Variants in IL17RD observed in about 807,000 individuals in gnomAD.
The protein encoded by IL17RD is interleukin 17 receptor D.
IL17RD carries 52 observed loss-of-function variants against 80.5 expected under a neutral mutation model. The ratio of observed to expected loss-of-function variants is 0.65; its 90% CI spans 0.52 to 0.81. IL17RD has a LOEUF of 0.81. IL17RD is among the 40% of genes least tolerant of loss of function. The pLI is 0.00. For synonymous variants in IL17RD, 416 were observed against 391.8 expected, an observed-to-expected ratio of 1.06 and a Z score of -0.73; for missense variants, 1,024 against 955.1, an observed-to-expected ratio of 1.07 and a Z score of -0.95.
chr3:57,161,248 C>T (rs1352343), intron 1 of IL17RD, among the ~76,000 whole-genome samples: 1 of 152,218 alleles, frequency 6.6e-6, no homozygotes, highest in South Asian at 2.1e-4. Context: ...CATGGCCATA[C>T]GATAGGCAGA....
chr3:57,101,229 T>G lies in IL17RD; in HGVS notation c.1114A>C (p.Asn372His). 3 of 1,613,710 alleles carry G rather than the reference T, an allele frequency of 1.9e-6. No individual in the cohort carries two copies. The highest frequency in any genetic ancestry group is 2.5e-6 in the Non-Finnish European group (3 of 1,179,712). ...YSSKDGQNHM[N>H]VVQCFAYFLQ... ...AAGTAGGCGAAACACTGGACGACAT[T>G]CATGTGATTCTGGCCATCTTTACTG... Residue 372 changes from asparagine to histidine, a missense_variant, in exon 11 of 13, where the codon AAT (asparagine) becomes CAT (histidine). Asn to His is a moderately conservative substitution (Grantham distance 68). Transcript: ENST00000296318.
At chr3:57,111,685 T>C (rs1047292245) in intron 3 of IL17RD, among the ~76,000 whole-genome samples, 3 of 152,018 alleles carry the variant, frequency 2.0e-5, no homozygotes, top group African/African-American at 7.2e-5. Flanking sequence ...AAATTCATCG[T>C]TGGGGCCGGG....
At chr3:57,116,889 T>C (rs540295601) in intron 2 of IL17RD, among the ~76,000 whole-genome samples, 4,497 of 50,518 alleles carry the variant, frequency 0.089, 96 homozygotes, top group South Asian at 0.2. Flanking sequence ...TCCCAAAATA[T>C]TAAAAAAAAA....
chr3:57,154,730 T>C (rs1242781740), intron 1 of IL17RD, among the ~76,000 whole-genome samples: 1 of 152,180 alleles, frequency 6.6e-6, no homozygotes, highest in Non-Finnish European at 1.5e-5. Flanking sequence ...CCTGAAGCAG[T>C]CTTCCGCCAG....
rs894065507 is a variant in IL17RD at position 57,091,002 on chromosome 3, G to A, written c.*5391C>T. 1.3e-5 allele frequency: 2 copies of A among 152,536 alleles called. No homozygotes were observed. Among genetic ancestry groups the A allele is most frequent in the African/African-American group, 2.4e-5 (1 of 41,434 alleles). 9.4% of individuals were successfully genotyped at this position (152,536 alleles called of 1,614,324 possible). A position where few individuals can be genotyped will look rare whatever the true frequency, so the allele number is the denominator to read the frequency against. The stretch of plus-strand genomic sequence containing the variant: ...TTTTAAAGAACAAAAGGGCAAGAGG[G>A]AAGACAACTGGCCAAAATTCCCCAG... On this transcript the variant is annotated 3_prime_UTR_variant, in exon 13 of 13. Coordinates refer to ENST00000296318, the MANE Select transcript of IL17RD (RefSeq NM_017563.5).
chr3:57,101,188 A>G lies in IL17RD; in HGVS notation c.1155T>C (p.Cys385=). 6.2e-7 allele frequency: 1 copy of G among 1,613,458 alleles called. No individual in the cohort carries two copies. Among genetic ancestry groups the G allele is most frequent in the Non-Finnish European group, 8.5e-7 (1 of 1,179,566 alleles). The change falls in exon 11 of 13, where the codon TGT becomes TGC. Residue 385 remains cysteine, a synonymous_variant. Coordinates refer to ENST00000296318, the MANE Select transcript of IL17RD (RefSeq NM_017563.5). ...ACTTTAGATTCCGCACCTCACAGCCACAGAAGTCCTGGAGGAAGTAGGCGA... is the reference window on the plus strand; with the variant it reads ...ACTTTAGATTCCGCACCTCACAGCCGCAGAAGTCCTGGAGGAAGTAGGCGA... The part of the protein sequence containing the change: ...QCFAYFLQDF[C]GCEVALDLWE...
intron 1 of IL17RD, among the ~76,000 whole-genome samples, chr3:57,153,789 G>A (rs550858871): frequency 2.8e-4 from 42 of 152,208 alleles, no homozygotes; most frequent in African/African-American, 9.2e-4. Flanking sequence ...ACAGGTGACT[G>A]TATTTTATAC....
rs148874180 is a variant in IL17RD at position 57,110,628 on chromosome 3, A to G, written c.311-317T>C. ...TTACAATTGGTCATAAAAAGTCTGA[A>G]GTGGAATATATAATTTCTAGGTCAT... is the stretch of plus-strand genomic sequence containing the variant. On this transcript the variant is annotated intron_variant, in intron 3 of 12. Coordinates refer to ENST00000296318, the MANE Select transcript of IL17RD (RefSeq NM_017563.5). 4.7e-3 allele frequency among the ~76,000 whole-genome samples: 720 copies of G among 152,350 alleles called. 3 individuals are homozygous for G. The highest frequency in any genetic ancestry group is 0.016 in the African/African-American group (676 of 41,574).
rs202216771 is a variant in IL17RD at position 57,097,617 on chromosome 3, C to T, written c.2086G>A (p.Val696Met). Residue 696 changes from valine (V) to methionine (M), a missense_variant, in exon 12 of 13, where the codon GTG becomes ATG. Coordinates refer to ENST00000296318, the MANE Select transcript of IL17RD (RefSeq NM_017563.5). ...QTETSSLTES[V>M]SSSSGLGEEE... ...TTACCCAGGCCTGAAGAGGAGGACA[C>T]GCTCTCCGTCAGGGAAGACGTTTCT... 1.5e-5 allele frequency: 24 copies of T among 1,579,942 alleles called. No individual in the cohort carries two copies. The African/African-American group carries it at 2.8e-4, about 19-fold the overall frequency.
upstream of IL17RD, chr3:57,169,161 G>A: frequency 2.1e-6 from 1 of 482,004 alleles, no homozygotes; most frequent in Non-Finnish European, 4.2e-6. Context: ...AGGCCACAGT[G>A]GAGCTCAGCT....
rs771843212 is a variant in IL17RD at position 57,109,582 on chromosome 3, T to C, written c.505A>G (p.Ile169Val). The C allele has an allele frequency of 1.2e-6, 2 of 1,613,796 alleles. No individual in the cohort carries two copies. Among genetic ancestry groups the C allele is most frequent in the South Asian group, 1.1e-5 (1 of 91,070 alleles). ...YFVKVVPFPS[I>V]KNESNYHPFF... ...GGGTGGTAATTGCTTTCGTTTTTAA[T>C]GGAAGGAAAAGGGACAACCTTTACG... The change falls in exon 5 of 13, where the codon ATT (isoleucine) becomes GTT (valine). Residue 169 changes from isoleucine to valine, a missense_variant. Ile to Val is a conservative substitution (Grantham distance 29, BLOSUM62 3). Transcript: ENST00000296318.
At chr3:57,165,636 G>A (rs2060344626), upstream of IL17RD, among the ~76,000 whole-genome samples, 1 of 151,824 alleles carries the variant, frequency 6.6e-6, no homozygotes, top group Admixed American at 6.6e-5. Context: ...CAAAACCTGA[G>A]GAAAACACAA....
intron 2 of IL17RD, among the ~76,000 whole-genome samples, chr3:57,119,455 G>A (rs1202354264): frequency 6.6e-6 from 1 of 152,196 alleles, no homozygotes; most frequent in Non-Finnish European, 1.5e-5. Context: ...CTTGAACCCA[G>A]GAGGTGGAGG....
At chr3:57,131,711 T>G (rs573177883) in intron 1 of IL17RD, among the ~76,000 whole-genome samples, 5 of 152,292 alleles carry the variant, frequency 3.3e-5, no homozygotes, top group South Asian at 2.1e-4. Flanking sequence ...AGCTTTTTAT[T>G]TGGGGGAGAA....
chr3:57,159,123 C>CTT (rs34297266), intron 1 of IL17RD, among the ~76,000 whole-genome samples: 5 of 144,350 alleles, frequency 3.5e-5, no homozygotes, highest in Non-Finnish European at 1.5e-5. Flanking sequence ...GATATCTCTT[C>CTT]TTTTTTTTTT....
chr3:57,163,984 A>T (rs2060326649), intron 1 of IL17RD, among the ~76,000 whole-genome samples: 3 of 152,126 alleles, frequency 2.0e-5, no homozygotes, highest in African/African-American at 7.2e-5. Flanking sequence ...GTTATGTCCT[A>T]GGTTTTGGCT....
upstream of IL17RD, chr3:57,170,239 C>T (rs549820745): frequency 6.6e-6 from 1 of 152,350 alleles, no homozygotes; most frequent in Non-Finnish European, 1.5e-5. Flanking sequence ...GTACCTTGGC[C>T]ACTACACGGA....
At chr3:57,144,850 C>T (rs1201563802) in intron 1 of IL17RD, among the ~76,000 whole-genome samples, 2 of 152,214 alleles carry the variant, frequency 1.3e-5, no homozygotes, top group Non-Finnish European at 2.9e-5. Flanking sequence ...AGCTGCTGCA[C>T]TCTTATCTGC....
intron 1 of IL17RD, among the ~76,000 whole-genome samples, chr3:57,141,586 G>T (rs1707829465): frequency 6.6e-6 from 1 of 152,048 alleles, no homozygotes; most frequent in South Asian, 2.1e-4. Flanking sequence ...CTTCAGATTA[G>T]AAATTTTTGA....
Sources: allele counts gnomAD v4.1 joint callset (sites outside exome capture counted in the v4.1 genomes callset), GRCh38; gene constraint gnomAD v4.1.1; transcripts MANE v1.5; gene names NCBI Gene and HGNC (gene_info 2026-07-23, HGNC 2026-07-21).